The following XXYLT1 variants were observed in gnomAD, a reference collection of about 807,000 sequenced individuals.
XXYLT1 encodes the protein UDP-xylose:alpha-xyloside alpha-1,3-xylosyltransferase.
XXYLT1 carries 20 observed loss-of-function variants against 28.9 expected under a neutral mutation model. That is an observed-to-expected ratio of 0.69 (90% CI 0.49 to 1.00). The LOEUF is 1.00. XXYLT1 is among the 50% of genes least tolerant of loss of function. XXYLT1 has a pLI of 0.00. For missense variants in XXYLT1, 542 were observed against 560.1 expected, an observed-to-expected ratio of 0.97 and a Z score of 0.33; for synonymous variants, 257 against 253.8, an observed-to-expected ratio of 1.01 and a Z score of -0.12.
intron 3 of XXYLT1, among the ~76,000 whole-genome samples, chr3:195,143,865 G>GATATATAT (rs1249814105): frequency 1.3e-5 from 1 of 76,472 alleles, no homozygotes; most frequent in Non-Finnish European, 2.4e-5. Context: ...GATATATATA[G>GATATATAT]ATATAGATAT....
At chr3:195,169,830 T>C (rs1721308541) in intron 2 of XXYLT1, among the ~76,000 whole-genome samples, 1 of 151,004 alleles carries the variant, frequency 6.6e-6, no homozygotes. Context: ...GTGTCAAATG[T>C]ATATTAATGT....
intron 3 of XXYLT1, among the ~76,000 whole-genome samples, chr3:195,070,678 G>A (rs577977033): frequency 3.9e-5 from 6 of 152,272 alleles, no homozygotes; most frequent in East Asian, 3.9e-4. Flanking sequence ...TCATCAAGAC[G>A]CAGGCAGCTG....
At chr3:195,222,795 G>C (rs1388197320) in intron 2 of XXYLT1, among the ~76,000 whole-genome samples, 3 of 152,100 alleles carry the variant, frequency 2.0e-5, no homozygotes, top group Non-Finnish European at 2.9e-5. Context: ...TTTCTTTCAT[G>C]GGGGTTGAAA....
At chr3:195,221,758 A>G (rs1401705526) in intron 2 of XXYLT1, among the ~76,000 whole-genome samples, 1 of 151,344 alleles carries the variant, frequency 6.6e-6, no homozygotes, top group Non-Finnish European at 1.5e-5. Context: ...TTTTTTTTCC[A>G]TTGCATAAGA....
At chr3:195,128,368 T>C (rs1022072656) in intron 3 of XXYLT1, among the ~76,000 whole-genome samples, 2 of 151,984 alleles carry the variant, frequency 1.3e-5, no homozygotes, top group African/African-American at 4.8e-5. Context: ...CCCTTAAATC[T>C]CATCTCAGCC....
At chr3:195,189,866 A>G (rs1275157084) in intron 2 of XXYLT1, among the ~76,000 whole-genome samples, 1 of 152,244 alleles carries the variant, frequency 6.6e-6, no homozygotes, top group Non-Finnish European at 1.5e-5. Context: ...ACAGACCCCA[A>G]GTAGGATAAA....
At chr3:195,146,344 G>C (rs983807589) in intron 3 of XXYLT1, among the ~76,000 whole-genome samples, 6 of 152,202 alleles carry the variant, frequency 3.9e-5, no homozygotes, top group African/African-American at 1.4e-4. Flanking sequence ...TACAAATAAG[G>C]TTCTTTCAAT....
intron 3 of XXYLT1, among the ~76,000 whole-genome samples, chr3:195,149,142 G>A (rs917165857): frequency 2.6e-5 from 4 of 152,132 alleles, no homozygotes; most frequent in African/African-American, 9.7e-5. Context: ...TAGGTATAAG[G>A]ATGGTCAAGA....
At position 195,115,907 on chromosome 3, in the gene XXYLT1, T is replaced by G. The variant is rs1207473016; in HGVS notation, c.785+40542A>C. On this transcript the variant is annotated intron_variant, in intron 3 of 3. Transcript: ENST00000310380. This position sits in a 1 kb window ranked among gnomAD's most constrained non-coding sequence, Gnocchi z 4.2. ...TCAGGAGACAAAGACCGAGGACAGG[T>G]GACAGGGACAGTGATAAGGAGCTGG... 6.6e-6 allele frequency among the ~76,000 whole-genome samples: 1 copy of G among 151,974 alleles called. No homozygotes were observed. The highest frequency in any genetic ancestry group is 2.4e-5 in the African/African-American group (1 of 41,354).
intron 2 of XXYLT1, among the ~76,000 whole-genome samples, chr3:195,174,220 C>T (rs1721547678): frequency 6.6e-6 from 1 of 152,208 alleles, no homozygotes; most frequent in Non-Finnish European, 1.5e-5. Flanking sequence ...GAAAATGAGG[C>T]TTTCACTTTT....
At chr3:195,191,153 A>G (rs1454443767) in intron 2 of XXYLT1, among the ~76,000 whole-genome samples, 1 of 152,214 alleles carries the variant, frequency 6.6e-6, no homozygotes, top group East Asian at 1.9e-4. Flanking sequence ...CCCTTGAACA[A>G]TACAACTTTG....
chr3:195,189,410 A>C (rs1722331752), intron 2 of XXYLT1, among the ~76,000 whole-genome samples: 1 of 152,248 alleles, frequency 6.6e-6, no homozygotes, highest in Non-Finnish European at 1.5e-5. Context: ...TAATAGCAAA[A>C]CATCCAATTT....
At chr3:195,221,610 G>A (rs538240870) in intron 2 of XXYLT1, among the ~76,000 whole-genome samples, 1 of 152,342 alleles carries the variant, frequency 6.6e-6, no homozygotes, top group Admixed American at 6.5e-5. Context: ...CAACCACAGA[G>A]CATGCGCCCT....
chr3:195,112,967 C>T (rs1717859211), intron 3 of XXYLT1, among the ~76,000 whole-genome samples: 1 of 152,258 alleles, frequency 6.6e-6, no homozygotes, highest in African/African-American at 2.4e-5. Flanking sequence ...GTTTCAAAAT[C>T]CAATCTGGGT....
At chr3:195,079,778 G>A (rs1715323889) in intron 3 of XXYLT1, among the ~76,000 whole-genome samples, 1 of 152,112 alleles carries the variant, frequency 6.6e-6, no homozygotes, top group African/African-American at 2.4e-5. Flanking sequence ...GGAGGAGGAG[G>A]GGCTGGGTGT....
At chr3:195,238,333 T>C (rs767183569) in intron 1 of XXYLT1, among the ~76,000 whole-genome samples, 3 of 152,096 alleles carry the variant, frequency 2.0e-5, no homozygotes, top group Non-Finnish European at 4.4e-5. Flanking sequence ...CCTCCAGCCT[T>C]CCCACAGCCT....
intron 2 of XXYLT1, among the ~76,000 whole-genome samples, chr3:195,179,678 C>A (rs1179907170): frequency 6.6e-6 from 1 of 152,054 alleles, no homozygotes; most frequent in African/African-American, 2.4e-5. Context: ...AAAACAGAAA[C>A]AAACCGGAGG....
chr3:195,216,125 G>A (rs1265948796), intron 2 of XXYLT1, among the ~76,000 whole-genome samples: 1 of 151,572 alleles, frequency 6.6e-6, no homozygotes, highest in Non-Finnish European at 1.5e-5. Context: ...TGAAACCAAC[G>A]AGAACATACC....
intron 2 of XXYLT1, among the ~76,000 whole-genome samples, chr3:195,189,885 G>A (rs1330299019): frequency 6.6e-6 from 1 of 152,126 alleles, no homozygotes; most frequent in Non-Finnish European, 1.5e-5. Context: ...AATACAAAGA[G>A]TTCTATACCT....
Sources: allele counts gnomAD v4.1 joint callset (sites outside exome capture counted in the v4.1 genomes callset), GRCh38; gene constraint gnomAD v4.1.1; non-coding constraint Gnocchi (gnomAD v3.1); transcripts MANE v1.5; gene names NCBI Gene and HGNC (gene_info 2026-07-23, HGNC 2026-07-21).